The following ZNF423 variants were observed in gnomAD, a reference collection of about 807,000 sequenced individuals.
ZNF423 encodes Ebf-associated zinc finger protein.
A neutral mutation model predicts 95.8 loss-of-function variants in ZNF423; 12 were observed. The ratio of observed to expected loss-of-function variants is 0.13; its 90% CI spans 0.08 to 0.20. ZNF423 has a LOEUF of 0.20. Among genes scored for constraint, ZNF423 ranks in the 10% least tolerant of loss-of-function variants. ZNF423 has a pLI of 1.00. For synonymous variants in ZNF423, 749 were observed against 711.9 expected, an observed-to-expected ratio of 1.05 and a Z score of -0.83; for missense variants, 1,316 against 1,737.1, an observed-to-expected ratio of 0.76 and a Z score of 4.31.
intron 3 of ZNF423, among the ~76,000 whole-genome samples, chr16:49,725,591 C>G (rs2032988846): frequency 6.6e-6 from 1 of 152,090 alleles, no homozygotes; most frequent in Admixed American, 6.5e-5. Context: ...GGGTGAGAAA[C>G]ACGTGAAAGA....
At chr16:49,531,346 G>A (rs1037252688) in intron 5 of ZNF423, among the ~76,000 whole-genome samples, 42 of 151,758 alleles carry the variant, frequency 2.8e-4, no homozygotes, top group African/African-American at 7.5e-4. Flanking sequence ...AAATGGGCGC[G>A]GTAAATGGTC....
At chr16:49,684,970 G>C (rs945053297) in intron 3 of ZNF423, among the ~76,000 whole-genome samples, 2 of 152,170 alleles carry the variant, frequency 1.3e-5, no homozygotes, top group Non-Finnish European at 2.9e-5. Flanking sequence ...AGGGGCACGC[G>C]AACCACCAAC....
chr16:49,552,256 A>T (rs796092749), intron 5 of ZNF423, among the ~76,000 whole-genome samples: 1 of 152,160 alleles, frequency 6.6e-6, no homozygotes, highest in Non-Finnish European at 1.5e-5. Context: ...TCTGCCACTG[A>T]CTCACTGTGT....
chr16:49,798,659 C>A (rs772221955), intron 1 of ZNF423, among the ~76,000 whole-genome samples: 51 of 152,008 alleles, frequency 3.4e-4, no homozygotes, highest in Non-Finnish European at 6.2e-4. Flanking sequence ...TGAAGAAAAA[C>A]CATTGTTAAG....
chr16:49,649,370 G>T (rs990140887), intron 3 of ZNF423, among the ~76,000 whole-genome samples: 1 of 152,126 alleles, frequency 6.6e-6, no homozygotes, highest in Non-Finnish European at 1.5e-5. Context: ...AGCTCTTACA[G>T]TCTGTTATCA....
chr16:49,684,268 A>C (rs765489450), intron 3 of ZNF423, among the ~76,000 whole-genome samples: 6 of 152,212 alleles, frequency 3.9e-5, no homozygotes, highest in Non-Finnish European at 8.8e-5. Context: ...TTGGGTAATG[A>C]GGAATTTTTT....
chr16:49,678,233 T>C (rs528819210), intron 3 of ZNF423, among the ~76,000 whole-genome samples: 121 of 152,142 alleles, frequency 8.0e-4, no homozygotes, highest in Non-Finnish European at 1.4e-3. Flanking sequence ...GTTTTATTTT[T>C]TTTTTAAAGC....
intron 1 of ZNF423, among the ~76,000 whole-genome samples, chr16:49,832,789 T>C (rs1015964353): frequency 6.6e-6 from 1 of 151,614 alleles, no homozygotes; most frequent in East Asian, 2.0e-4. Context: ...AGAAGAGACA[T>C]GCCCACCTAC....
chr16:49,776,223 A>G (rs1389205211), intron 2 of ZNF423, among the ~76,000 whole-genome samples: 1 of 152,242 alleles, frequency 6.6e-6, no homozygotes, highest in African/African-American at 2.4e-5. Context: ...GACCAGGCCA[A>G]GCGGAGCTGG....
intron 7 of ZNF423, among the ~76,000 whole-genome samples, chr16:49,507,634 C>T (rs11861035): frequency 0.012 from 1,855 of 152,050 alleles, 38 homozygotes; most frequent in African/African-American, 0.041. Flanking sequence ...ACACATTCCA[C>T]AACTCCCACC....
rs189291388 is a variant in ZNF423, at chr16:49,768,190, A to G, written c.100+21297T>C. On this transcript the variant is annotated intron_variant, in intron 2 of 7. Transcript: ENST00000563137. Reference sequence around the variant, plus strand: ...GCCGTGGACAGTCTGCAGCTCCCAGACACCACCTCTGCTCCAGCCATGGGT... The same window carrying G: ...GCCGTGGACAGTCTGCAGCTCCCAGGCACCACCTCTGCTCCAGCCATGGGT... Among the ~76,000 whole-genome samples the G allele has an allele frequency of 7.2e-5, 11 of 152,270 alleles. No individual in the cohort carries two copies. In the East Asian group the frequency reaches 1.7e-3, roughly 24 times the overall value.
At chr16:49,628,405 C>T (rs1596742743) in intron 4 of ZNF423, among the ~76,000 whole-genome samples, 1 of 151,748 alleles carries the variant, frequency 6.6e-6, no homozygotes, top group East Asian at 1.9e-4. Flanking sequence ...CATCCACACA[C>T]ACATCCACCC....
intron 5 of ZNF423, among the ~76,000 whole-genome samples, chr16:49,605,273 C>G (rs1227166413): frequency 2.0e-5 from 3 of 152,192 alleles, no homozygotes; most frequent in Non-Finnish European, 4.4e-5. Context: ...TCCTCACACC[C>G]AAGTTCCATC....
intron 1 of ZNF423, among the ~76,000 whole-genome samples, chr16:49,815,278 C>G (rs1422014795): frequency 1.3e-5 from 2 of 152,052 alleles, no homozygotes; most frequent in Admixed American, 6.6e-5. Flanking sequence ...TCCACCAAAA[C>G]GAACCAAAAA....
chr16:49,692,192 C>T (rs1246091501), intron 3 of ZNF423, among the ~76,000 whole-genome samples: 1 of 152,068 alleles, frequency 6.6e-6, no homozygotes, highest in Non-Finnish European at 1.5e-5. Context: ...TGGGTTCAAG[C>T]GATCCTCCTG....
At chr16:49,854,918 C>T (rs951526760) in intron 1 of ZNF423, 39 of 984,832 alleles carry the variant, frequency 4.0e-5, no homozygotes, top group Non-Finnish European at 4.3e-5. Flanking sequence ...TCGAGGGTGC[C>T]GGTGCCCGGG....
rs138353631 is a variant in ZNF423 at position 49,519,504 on chromosome 16, A to G, written c.3849+4120T>C. Among the ~76,000 whole-genome samples the G allele has an allele frequency of 3.4e-3, 520 of 152,240 alleles. 1 individual carries two copies. The highest frequency in any genetic ancestry group is 0.011 in the African/African-American group (471 of 41,538). On this transcript the variant is annotated intron_variant, in intron 7 of 7. Transcript: ENST00000563137. ...CTATGGTTTTCACTTGCCCTTCCCT[A>G]ATGACTAATGATGTTCATTTTCTTT...
chr16:49,601,428 A>G (rs555886580), intron 5 of ZNF423, among the ~76,000 whole-genome samples: 1 of 152,332 alleles, frequency 6.6e-6, no homozygotes, highest in African/African-American at 2.4e-5. Flanking sequence ...TTTGGGATCA[A>G]TATTACTGTT....
At position 49,492,696 on chromosome 16, in the gene ZNF423, A is replaced by G. The variant is rs1419560805; in HGVS notation, c.3850-1392T>C. Among the ~76,000 whole-genome samples the G allele has an allele frequency of 1.1e-4, 17 of 152,148 alleles. No individual in the cohort carries two copies. The highest frequency in any genetic ancestry group is 1.0e-3 in the Admixed American group (16 of 15,292). On this transcript the variant is annotated intron_variant, in intron 7 of 7. Coordinates refer to ENST00000563137, the MANE Select transcript of ZNF423 (RefSeq NM_001379286.1). The surrounding 1 kb of genome is among the most constrained non-coding windows in gnomAD (Gnocchi z 4.2). ...GACAGCCTCGTGCTCATGCGGGCGG[A>G]GCAGGCGCACGGCCGGGGCTTGGTG...
Sources: allele counts gnomAD v4.1 joint callset (sites outside exome capture counted in the v4.1 genomes callset), GRCh38; gene constraint gnomAD v4.1.1; non-coding constraint Gnocchi (gnomAD v3.1); transcripts MANE v1.5; gene names NCBI Gene and HGNC (gene_info 2026-07-23, HGNC 2026-07-21).